Variants in ZNF536 observed in about 807,000 individuals in gnomAD.
ZNF536 encodes the protein zinc finger protein 536.
Under a neutral mutation model 84.5 loss-of-function variants are expected in ZNF536, and 13 were observed. The ratio of observed to expected loss-of-function variants is 0.15; its 90% CI spans 0.10 to 0.24. ZNF536 has a LOEUF of 0.24. Ranked by LOEUF, ZNF536 falls within the 10% of genes least tolerant of loss-of-function variation. The pLI is 1.00. For synonymous variants in ZNF536, 811 were observed against 742.5 expected, an observed-to-expected ratio of 1.09 and a Z score of -1.50; for missense variants, 1,536 against 1,747.5, an observed-to-expected ratio of 0.88 and a Z score of 2.16.
intron 2 of ZNF536, among the ~76,000 whole-genome samples, chr19:30,499,764 G>A (rs1003903389): frequency 1.3e-4 from 20 of 152,120 alleles, no homozygotes; most frequent in African/African-American, 4.6e-4. Context: ...TAACCTCAAG[G>A]CCAGGAGGAG....
chr19:30,444,975 T>G lies in ZNF536; in HGVS notation c.1413T>G (p.Ser471=). 6.2e-7 allele frequency: 1 copy of G among 1,611,434 alleles called. No individual in the cohort carries two copies. The highest frequency in any genetic ancestry group is 8.5e-7 in the Non-Finnish European group (1 of 1,178,892). Reference sequence around the variant, plus strand: ...AGGAAGCGCTGGGGAAGCTGCTGTCTCCCATCTCCAGCATGGCCCACGGCG... The same window carrying G: ...AGGAAGCGCTGGGGAAGCTGCTGTCGCCCATCTCCAGCATGGCCCACGGCG... ...KEKEALGKLL[S]PISSMAHGVP... The change falls in exon 2 of 5, where the codon TCT becomes TCG. Residue 471 remains serine, a synonymous_variant. Coordinates refer to ENST00000355537, the MANE Select transcript of ZNF536 (RefSeq NM_014717.3).
intron 1 of ZNF536, among the ~76,000 whole-genome samples, chr19:30,242,796 C>T (rs921655357): frequency 3.3e-5 from 5 of 152,096 alleles, no homozygotes; most frequent in African/African-American, 1.2e-4. Flanking sequence ...CCTGGCCTTC[C>T]GATTCGTTAC....
intron 1 of ZNF536, among the ~76,000 whole-genome samples, chr19:30,233,850 C>T (rs1456218760): frequency 6.6e-6 from 1 of 152,158 alleles, no homozygotes; most frequent in Non-Finnish European, 1.5e-5. Context: ...CAAAGCATCT[C>T]CCGTGACCCA....
chr19:30,286,443 A>G (rs2045628869), intron 2 of ZNF536, among the ~76,000 whole-genome samples: 1 of 151,966 alleles, frequency 6.6e-6, no homozygotes, highest in African/African-American at 2.4e-5. Context: ...TGGGCTCCTT[A>G]GGGCTAGAGG....
chr19:30,648,063 G>A (rs1023033950), intron 1 of ZNF536, among the ~76,000 whole-genome samples: 6 of 152,168 alleles, frequency 3.9e-5, no homozygotes, highest in African/African-American at 7.2e-5. Flanking sequence ...CCTATGGCTC[G>A]CTCCCCTTCA....
chr19:30,535,348 C>T (rs1326455294), intron 3 of ZNF536, among the ~76,000 whole-genome samples: 2 of 152,066 alleles, frequency 1.3e-5, no homozygotes, highest in African/African-American at 4.8e-5. Context: ...CAGGAGTCTC[C>T]CAGGTGTCAG....
intron 1 of ZNF536, among the ~76,000 whole-genome samples, chr19:30,417,978 G>T (rs2050803554): frequency 6.6e-6 from 1 of 151,968 alleles, no homozygotes. Flanking sequence ...TGAACTCCTG[G>T]GCTCAAGCAA....
intron 1 of ZNF536, among the ~76,000 whole-genome samples, chr19:30,593,258 C>T (rs2060240): frequency 6.6e-6 from 1 of 151,946 alleles, no homozygotes; most frequent in African/African-American, 2.4e-5. Context: ...AGCTTCCTTG[C>T]GCTGTGACCA....
At chr19:30,387,933 G>A (rs1250979488) in intron 1 of ZNF536, among the ~76,000 whole-genome samples, 1 of 152,172 alleles carries the variant, frequency 6.6e-6, no homozygotes, top group African/African-American at 2.4e-5. Flanking sequence ...CCCTGGAGGG[G>A]GCTGTGTGAT....
intron 2 of ZNF536, among the ~76,000 whole-genome samples, chr19:30,304,418 T>C (rs1471462143): frequency 6.6e-6 from 1 of 152,076 alleles, no homozygotes; most frequent in Admixed American, 6.5e-5. Context: ...GGAGCTGAAG[T>C]TGTTATCCCA....
At chr19:30,232,180 C>G (rs1196506417) in intron 1 of ZNF536, among the ~76,000 whole-genome samples, 1 of 152,142 alleles carries the variant, frequency 6.6e-6, no homozygotes, top group Non-Finnish European at 1.5e-5. Flanking sequence ...CAGTTGATGC[C>G]ATCAACGGGC....
At chr19:30,617,333 C>CTTTTTTT (rs556835599) in intron 1 of ZNF536, among the ~76,000 whole-genome samples, 583 of 37,680 alleles carry the variant, frequency 0.015, 176 homozygotes, top group South Asian at 0.033. Context: ...GAATAGCTTA[C>CTTTTTTT]TTTTTTTTTT....
At chr19:30,495,823 C>G (rs918713568) in intron 2 of ZNF536, among the ~76,000 whole-genome samples, 1 of 152,176 alleles carries the variant, frequency 6.6e-6, no homozygotes, top group Non-Finnish European at 1.5e-5. Flanking sequence ...AAAGACACAA[C>G]GCAGGGAAAG....
intron 1 of ZNF536, among the ~76,000 whole-genome samples, chr19:30,282,567 A>G (rs1336770698): frequency 6.6e-6 from 1 of 152,196 alleles, no homozygotes; most frequent in East Asian, 1.9e-4. Flanking sequence ...TTTGCAAGTC[A>G]TGAGCTTAGA....
chr19:30,425,265 G>T (rs2147902200), intron 1 of ZNF536, among the ~76,000 whole-genome samples: 1 of 151,970 alleles, frequency 6.6e-6, no homozygotes, highest in South Asian at 2.1e-4. Flanking sequence ...AGATGGGAGT[G>T]CCTTAGTGTG....
chr19:30,341,391 G>A (rs1268195820), intron 2 of ZNF536, among the ~76,000 whole-genome samples: 1 of 152,120 alleles, frequency 6.6e-6, no homozygotes. Context: ...AACACAAGAG[G>A]GAATATCTTT....
At chr19:30,450,495 G>C (rs1422480897) in intron 2 of ZNF536, among the ~76,000 whole-genome samples, 3 of 152,146 alleles carry the variant, frequency 2.0e-5, no homozygotes, top group Non-Finnish European at 4.4e-5. Flanking sequence ...GACTTGGGGA[G>C]ACCCCCCTGG....
chr19:30,402,796 A>AATATATATATATAT (rs869301101), intron 1 of ZNF536, among the ~76,000 whole-genome samples: 20 of 85,590 alleles, frequency 2.3e-4, no homozygotes, highest in East Asian at 1.7e-3. Flanking sequence ...AAAATTAAAA[A>AATATATATATATAT]ATATATATAT....
At chr19:30,587,269 A>C (rs2047126211) in intron 1 of ZNF536, among the ~76,000 whole-genome samples, 1 of 152,212 alleles carries the variant, frequency 6.6e-6, no homozygotes, top group African/African-American at 2.4e-5. Context: ...TAACTTCAAT[A>C]ATCTATGGAT....
Sources: gnomAD v4.1 joint callset for allele counts (sites outside exome capture counted in the v4.1 genomes callset) on GRCh38, gnomAD v4.1.1 for gene constraint, MANE v1.5 for transcripts, NCBI Gene and HGNC (gene_info 2026-07-23, HGNC 2026-07-21) for gene names.